FSTL5: variants seen among roughly 807,000 people sequenced by gnomAD.
The protein encoded by FSTL5 is follistatin like 5.
Under a neutral mutation model 89.1 loss-of-function variants are expected in FSTL5, and 62 were observed. The observed-to-expected ratio is 0.70, with a 90% CI of 0.57 to 0.86. The LOEUF (loss-of-function observed/expected upper bound fraction) is 0.86. Ranked by LOEUF, FSTL5 falls within the 40% of genes least tolerant of loss-of-function variation. The probability of loss-of-function intolerance (pLI) is 0.00; values close to 1 mark genes in which losing one functional copy is unlikely to be tolerated. For missense variants in FSTL5, 1,057 were observed against 1,001.6 expected (o/e 1.06, Z -0.75); for synonymous variants, 383 against 346.2 (o/e 1.11, Z -1.18).
chr4:161,871,117 C>T (rs895606074), intron 4 of FSTL5, among the ~76,000 whole-genome samples: 2 of 152,066 alleles, frequency 1.3e-5, no homozygotes, highest in African/African-American at 4.8e-5. Flanking sequence ...AGGTAATGCA[C>T]AATTGTTTAA....
intron 6 of FSTL5, among the ~76,000 whole-genome samples, chr4:161,706,079 T>G (rs1738570211): frequency 6.8e-6 from 1 of 146,750 alleles, no homozygotes; most frequent in African/African-American, 2.5e-5. Flanking sequence ...ACCACTGACT[T>G]TATGCCAGTA....
At chr4:161,670,791 A>G (rs543922922) in intron 6 of FSTL5, among the ~76,000 whole-genome samples, 5 of 152,212 alleles carry the variant, frequency 3.3e-5, no homozygotes, top group Non-Finnish European at 5.9e-5. Flanking sequence ...CTGGGCCTTA[A>G]CTATGCAAAT....
chr4:161,783,377 AT>A (rs1213028351), intron 4 of FSTL5, among the ~76,000 whole-genome samples: 1 of 151,904 alleles, frequency 6.6e-6, no homozygotes, highest in African/African-American at 2.4e-5. Flanking sequence ...CTAATTAATT[AT>A]TTTTTTCCGG....
chr4:162,044,777 T>C (rs1001150743), intron 2 of FSTL5, among the ~76,000 whole-genome samples: 13 of 152,178 alleles, frequency 8.5e-5, no homozygotes, highest in African/African-American at 3.1e-4. Context: ...CCTTGCACTC[T>C]TATATTATAG....
At chr4:161,940,289 G>T (rs2110921056) in intron 3 of FSTL5, among the ~76,000 whole-genome samples, 1 of 151,842 alleles carries the variant, frequency 6.6e-6, no homozygotes, top group Non-Finnish European at 1.5e-5. Flanking sequence ...AGCCTTATGA[G>T]ATCTGTGGAA....
intron 3 of FSTL5, among the ~76,000 whole-genome samples, chr4:161,972,893 C>G (rs1317899996): frequency 6.6e-6 from 1 of 152,176 alleles, no homozygotes; most frequent in East Asian, 1.9e-4. Context: ...CTAAAACATT[C>G]ACCACAATTT....
rs1415189821 is a variant in FSTL5 at position 162,071,710 on chromosome 4, C to T, written c.127-38052G>A. 5.9e-5 allele frequency among the ~76,000 whole-genome samples: 9 copies of T among 151,638 alleles called. 1 individual carries two copies. The South Asian group carries it at 1.5e-3, about 24-fold the overall frequency. ...AATACACATTCTTCTCATCAGCACA[C>T]GGAATATTCTCCAGGATAGATCATA... On this transcript the variant is annotated intron_variant, in intron 2 of 15. Transcript: ENST00000306100.
chr4:161,654,588 T>C (rs1736452281), intron 7 of FSTL5, among the ~76,000 whole-genome samples: 1 of 152,086 alleles, frequency 6.6e-6, no homozygotes, highest in Non-Finnish European at 1.5e-5. Context: ...TAAAAAAAGA[T>C]AAAAATTGAA....
At chr4:161,603,966 T>C (rs1734346566) in intron 7 of FSTL5, among the ~76,000 whole-genome samples, 1 of 152,098 alleles carries the variant, frequency 6.6e-6, no homozygotes, top group Non-Finnish European at 1.5e-5. Context: ...AATCAATCAA[T>C]TAATTAATTG....
rs552868759 is a variant in FSTL5 at position 161,797,461 on chromosome 4, G to A, written c.410-21387C>T. ...TAATCTTCCTAGTTTGTTTATATTAGTTTTGTTTTAATCACTTAAAACATT... is the reference window on the plus strand; with the variant it reads ...TAATCTTCCTAGTTTGTTTATATTAATTTTGTTTTAATCACTTAAAACATT... On this transcript the variant is annotated intron_variant, in intron 4 of 15. Transcript: ENST00000306100. Among the ~76,000 whole-genome samples the A allele has an allele frequency of 9.9e-5, 15 of 151,620 alleles. No homozygotes were observed. The East Asian group carries it at 2.3e-3, about 23-fold the overall frequency.
At chr4:161,457,244 C>A (rs1201831316) in intron 14 of FSTL5, among the ~76,000 whole-genome samples, 1 of 152,106 alleles carries the variant, frequency 6.6e-6, no homozygotes. Context: ...CACATATAAA[C>A]CTTATGTAAA....
At chr4:161,530,743 C>A (rs1474112310) in intron 10 of FSTL5, among the ~76,000 whole-genome samples, 4 of 152,044 alleles carry the variant, frequency 2.6e-5, no homozygotes, top group African/African-American at 9.7e-5. Flanking sequence ...TTACTAAAAT[C>A]ATAGCAAGAT....
At position 161,444,169 on chromosome 4, in the gene FSTL5, G is replaced by A. The variant is rs149435611; in HGVS notation, c.1841+10835C>T. Among the ~76,000 whole-genome samples, 1,498 of 151,904 alleles carry A rather than the reference G, an allele frequency of 9.9e-3. 9 individuals carry two copies. The highest frequency in any genetic ancestry group is 0.031 in the Middle Eastern group (9 of 294). On this transcript the variant is annotated intron_variant, in intron 15 of 15. Coordinates refer to ENST00000306100, the MANE Select transcript of FSTL5 (RefSeq NM_020116.5). ...CAAAAATGATAAATATGGAAAACAGGAAAGAGTAAATTGTGTTTAGAAGTT... is the reference window on the plus strand; with the variant it reads ...CAAAAATGATAAATATGGAAAACAGAAAAGAGTAAATTGTGTTTAGAAGTT...
chr4:161,706,846 T>C (rs987589465), intron 6 of FSTL5, among the ~76,000 whole-genome samples: 5 of 152,044 alleles, frequency 3.3e-5, no homozygotes, highest in African/African-American at 1.2e-4. Context: ...AGTTCTAGAT[T>C]CTAAATTATG....
At chr4:161,509,246 T>C (rs1317793707) in intron 11 of FSTL5, among the ~76,000 whole-genome samples, 5 of 152,124 alleles carry the variant, frequency 3.3e-5, no homozygotes, top group East Asian at 1.9e-4. Context: ...GAGGTTGCAG[T>C]GCGCCGAGAT....
intron 12 of FSTL5, among the ~76,000 whole-genome samples, chr4:161,485,394 A>G (rs952388520): frequency 2.6e-5 from 4 of 152,164 alleles, no homozygotes; most frequent in East Asian, 3.9e-4. Context: ...CCTAATTACT[A>G]TCATGGTCAG....
chr4:161,982,216 G>A (rs1181274038), intron 3 of FSTL5, among the ~76,000 whole-genome samples: 1 of 152,176 alleles, frequency 6.6e-6, no homozygotes. Context: ...GACGGTCTGT[G>A]TTAGGAGGTC....
intron 8 of FSTL5, among the ~76,000 whole-genome samples, chr4:161,569,208 C>A (rs1479531040): frequency 6.6e-6 from 1 of 152,054 alleles, no homozygotes; most frequent in Non-Finnish European, 1.5e-5. Flanking sequence ...ATCAAACTAG[C>A]CTCAATGTTC....
At chr4:161,868,235 A>G (rs1015939100) in intron 4 of FSTL5, among the ~76,000 whole-genome samples, 16 of 152,196 alleles carry the variant, frequency 1.1e-4, no homozygotes, top group African/African-American at 3.6e-4. Flanking sequence ...TCTTCACTCT[A>G]TTCGTCATCT....
Sources: allele counts gnomAD v4.1 joint callset (sites outside exome capture counted in the v4.1 genomes callset), GRCh38; gene constraint gnomAD v4.1.1; transcripts MANE v1.5; gene names NCBI Gene and HGNC (gene_info 2026-07-23, HGNC 2026-07-21).